CORIN: variants seen among roughly 807,000 people sequenced by gnomAD.
The protein encoded by CORIN is atrial natriuretic peptide-converting enzyme.
A neutral mutation model predicts 125.3 loss-of-function variants in CORIN; 117 were observed. The ratio of observed to expected loss-of-function variants is 0.93; its 90% confidence interval spans 0.80 to 1.09. The LOEUF (loss-of-function observed/expected upper bound fraction) is 1.09. CORIN is among the 50% of genes least tolerant of loss of function. The pLI is 0.00. For synonymous variants in CORIN, 450 were observed against 466.4 expected, an observed-to-expected ratio of 0.96 and a Z score of 0.45; for missense variants, 1,253 against 1,306.7, an observed-to-expected ratio of 0.96 and a Z score of 0.63.
At chr4:47,729,918 G>T (rs1577869973) in intron 5 of CORIN, among the ~76,000 whole-genome samples, 1 of 152,262 alleles carries the variant, frequency 6.6e-6, no homozygotes, top group Non-Finnish European at 1.5e-5. Context: ...TGGCCGCTGG[G>T]TGCTCCGGCT....
At chr4:47,684,790 G>A (rs73142065) in intron 6 of CORIN, among the ~76,000 whole-genome samples, 76 of 152,058 alleles carry the variant, frequency 5.0e-4, no homozygotes, top group African/African-American at 1.8e-3. Flanking sequence ...ATAATCAGAC[G>A]AAAAAGAATT....
intron 20 of CORIN, among the ~76,000 whole-genome samples, 194 bp from the exon 21 acceptor site, chr4:47,600,541 A>G (rs1721411430): frequency 1.3e-5 from 2 of 152,222 alleles, no homozygotes; most frequent in African/African-American, 4.8e-5. Flanking sequence ...AGAAGCATTC[A>G]TAGCAATTAT....
At chr4:47,599,112 C>G (rs567353526) in intron 21 of CORIN, among the ~76,000 whole-genome samples, 40 of 152,180 alleles carry the variant, frequency 2.6e-4, no homozygotes, top group Non-Finnish European at 5.3e-4. Context: ...CCACATCATG[C>G]TGCCTCCTAC....
intron 10 of CORIN, among the ~76,000 whole-genome samples, chr4:47,671,281 C>T (rs557655998): frequency 6.6e-6 from 1 of 152,304 alleles, no homozygotes; most frequent in East Asian, 1.9e-4. Flanking sequence ...CAGTGAGAGG[C>T]TGTCTCCACC....
chr4:47,666,782 G>C (rs1460539816), intron 10 of CORIN, among the ~76,000 whole-genome samples: 1 of 152,198 alleles, frequency 6.6e-6, no homozygotes, highest in Non-Finnish European at 1.5e-5. Context: ...AAGTCTGCCA[G>C]CATCCTGATC....
In CORIN at chr4:47,671,215, A is replaced by T. The variant is rs149641063; in HGVS notation, c.1357+3178T>A. Among the ~76,000 whole-genome samples the T allele has an allele frequency of 2.9e-4, 44 of 152,328 alleles. No individual in the cohort carries two copies. In the East Asian group the frequency reaches 8.3e-3, roughly 29 times the overall value. On this transcript the variant is annotated intron_variant, in intron 10 of 21. Coordinates refer to ENST00000273857, the MANE Select transcript of CORIN (RefSeq NM_006587.4). ...TTAGCGACCATTAGAAAATCACATA[A>T]TATTTTATGGGATGGCAAGAATCAG...
chr4:47,629,274 G>T (rs1722710730), intron 16 of CORIN, among the ~76,000 whole-genome samples: 1 of 152,006 alleles, frequency 6.6e-6, no homozygotes, highest in Non-Finnish European at 1.5e-5. Flanking sequence ...ATTTTAATTT[G>T]CATTTCCCTG....
At chr4:47,692,589 T>C (rs537630699) in intron 6 of CORIN, among the ~76,000 whole-genome samples, 17 of 152,128 alleles carry the variant, frequency 1.1e-4, no homozygotes, top group Non-Finnish European at 1.9e-4. Context: ...ATTTACTGTG[T>C]CATGAAAGTT....
At chr4:47,634,073 A>G (rs1275199852) in intron 16 of CORIN, among the ~76,000 whole-genome samples, 3 of 152,216 alleles carry the variant, frequency 2.0e-5, no homozygotes, top group Non-Finnish European at 2.9e-5. Context: ...GGAATATATG[A>G]GTATCAAAAA....
At chr4:47,818,630 G>C (rs1340857543) in intron 1 of CORIN, among the ~76,000 whole-genome samples, 1 of 152,086 alleles carries the variant, frequency 6.6e-6, no homozygotes, top group African/African-American at 2.4e-5. Flanking sequence ...CAGCACTTTG[G>C]GAGGCCAAGG....
chr4:47,765,505 T>C (rs1449176322), intron 3 of CORIN, among the ~76,000 whole-genome samples: 1 of 152,222 alleles, frequency 6.6e-6, no homozygotes, highest in African/African-American at 2.4e-5. Context: ...CCTGTACATA[T>C]GCCTGAGATG....
chr4:47,833,800 G>C (rs1386558280), intron 1 of CORIN, among the ~76,000 whole-genome samples: 1 of 152,124 alleles, frequency 6.6e-6, no homozygotes, highest in African/African-American at 2.4e-5. Context: ...GTAAGTATAT[G>C]AAAGATGCTC....
At chr4:47,808,983 T>C (rs1731928545) in intron 1 of CORIN, among the ~76,000 whole-genome samples, 1 of 152,206 alleles carries the variant, frequency 6.6e-6, no homozygotes, top group African/African-American at 2.4e-5. Flanking sequence ...ATGACACTTA[T>C]AGCTAAAGTG....
At chr4:47,746,535 G>A (rs187949863) in intron 4 of CORIN, among the ~76,000 whole-genome samples, 63 of 151,772 alleles carry the variant, frequency 4.2e-4, no homozygotes, top group African/African-American at 1.5e-3. Context: ...AAAGCACAAC[G>A]CAAATCTTTT....
intron 10 of CORIN, among the ~76,000 whole-genome samples, chr4:47,665,579 C>G (rs148836125): frequency 2.6e-4 from 40 of 152,266 alleles, no homozygotes; most frequent in Admixed American, 9.2e-4. Context: ...CTTTTATTGA[C>G]TCCAATTCAT....
At chr4:47,702,913 CT>C (rs973516679) in intron 5 of CORIN, among the ~76,000 whole-genome samples, 10 of 151,156 alleles carry the variant, frequency 6.6e-5, no homozygotes, top group East Asian at 1.9e-4. Flanking sequence ...CATTAGCATT[CT>C]TTTTTTTTCT....
chr4:47,707,777 C>A (rs1017409001), intron 5 of CORIN, among the ~76,000 whole-genome samples: 2 of 152,114 alleles, frequency 1.3e-5, no homozygotes, highest in African/African-American at 4.8e-5. Flanking sequence ...ACTGACCCTA[C>A]AGGACCAGGG....
chr4:47,797,489 A>G (rs1476892386), intron 2 of CORIN, among the ~76,000 whole-genome samples: 1 of 151,838 alleles, frequency 6.6e-6, no homozygotes, highest in Admixed American at 6.6e-5. Context: ...GGTCAACTTT[A>G]TTTCTTCCTA....
At chr4:47,732,129 T>C (rs1420786310) in intron 5 of CORIN, among the ~76,000 whole-genome samples, 2 of 152,112 alleles carry the variant, frequency 1.3e-5, no homozygotes, top group Non-Finnish European at 2.9e-5. Flanking sequence ...AGAGAAAATA[T>C]ATAAGATGTT....
Sources: gnomAD v4.1 joint callset for allele counts (sites outside exome capture counted in the v4.1 genomes callset) on GRCh38, gnomAD v4.1.1 for gene constraint, MANE v1.5 for transcripts, NCBI Gene and HGNC (gene_info 2026-07-23, HGNC 2026-07-21) for gene names.